MTDH: variants seen among roughly 807,000 people sequenced by gnomAD.
MTDH encodes metadherin.
MTDH carries 34 observed loss-of-function variants against 72.7 expected under a neutral mutation model. The ratio of observed to expected loss-of-function variants is 0.47; its 90% CI spans 0.36 to 0.62. MTDH has a LOEUF of 0.62. Among genes scored for constraint, MTDH ranks in the 20% least tolerant of loss-of-function variants. The probability of loss-of-function intolerance (pLI) is 0.00; values close to 1 mark genes in which losing one functional copy is unlikely to be tolerated. For synonymous variants in MTDH, 266 were observed against 268.9 expected (o/e 0.99, Z 0.10); for missense variants, 677 against 699.4 (o/e 0.97, Z 0.36).
intron 1 of MTDH, among the ~76,000 whole-genome samples, chr8:97,651,277 G>A (rs778118123): frequency 2.0e-5 from 3 of 152,058 alleles, no homozygotes; most frequent in Non-Finnish European, 2.9e-5. Flanking sequence ...TGAACTCACG[G>A]CCAATAGCAC....
chr8:97,708,027 G>A (rs1814435418), intron 8 of MTDH, among the ~76,000 whole-genome samples: 1 of 151,294 alleles, frequency 6.6e-6, no homozygotes, highest in Non-Finnish European at 1.5e-5. Flanking sequence ...GGAGTTCAGT[G>A]ATGCAATCTC....
intron 4 of MTDH, among the ~76,000 whole-genome samples, chr8:97,687,828 T>G (rs910966942): frequency 6.6e-6 from 1 of 152,244 alleles, no homozygotes; most frequent in Non-Finnish European, 1.5e-5. Context: ...AATTAAAATT[T>G]GCCTTTCTGC....
intron 9 of MTDH, among the ~76,000 whole-genome samples, chr8:97,718,822 G>T (rs1343094061): frequency 6.6e-6 from 1 of 151,500 alleles, no homozygotes; most frequent in Admixed American, 6.6e-5. Flanking sequence ...TCAGCCTCCT[G>T]AGTAACTGGG....
chr8:97,660,586 G>A (rs1812136888), intron 1 of MTDH, among the ~76,000 whole-genome samples: 1 of 151,902 alleles, frequency 6.6e-6, no homozygotes, highest in South Asian at 2.1e-4. Context: ...ATTTTTTTCT[G>A]AATTTTATTT....
intron 2 of MTDH, among the ~76,000 whole-genome samples, chr8:97,676,052 A>G (rs748571987): frequency 2.5e-4 from 37 of 150,418 alleles, no homozygotes; most frequent in Non-Finnish European, 4.4e-4. Context: ...TGATCCTCCC[A>G]TCTCAGCCAC....
chr8:97,697,381 GTTT>G (rs755015450), intron 6 of MTDH, among the ~76,000 whole-genome samples: 2 of 80,188 alleles, frequency 2.5e-5, no homozygotes, highest in African/African-American at 1.3e-4. Flanking sequence ...TATTATTTCG[GTTT>G]TTTTTTTTTT....
intron 2 of MTDH, among the ~76,000 whole-genome samples, chr8:97,662,013 T>C (rs144537850): frequency 6.6e-6 from 1 of 152,014 alleles, no homozygotes; most frequent in Non-Finnish European, 1.5e-5. Flanking sequence ...ACATAAATGG[T>C]ACATTCCTGA....
At chr8:97,723,136 C>G (rs550839250) in intron 11 of MTDH, 101 bp downstream of exon 11, 3 of 1,239,178 alleles carry the variant, frequency 2.4e-6, no homozygotes, top group Non-Finnish European at 3.3e-6. Context: ...CAGTGGCTCA[C>G]GCCTGTAATC....
At chr8:97,707,325 T>C (rs1273393613) in intron 8 of MTDH, among the ~76,000 whole-genome samples, 1 of 151,760 alleles carries the variant, frequency 6.6e-6, no homozygotes, top group Non-Finnish European at 1.5e-5. Context: ...AATTTTTGTG[T>C]ATTTAGTAGA....
rs192499630 is a variant in MTDH, at chr8:97,661,764, G to A, written c.483+591G>A. ...TTGAGATCAGCCTGGGCAACATGGCGAAATTTTGTCATTACAAAAAATACC... is the reference window on the plus strand; with the variant it reads ...TTGAGATCAGCCTGGGCAACATGGCAAAATTTTGTCATTACAAAAAATACC... On this transcript the variant is annotated intron_variant, in intron 2 of 11. Transcript: ENST00000336273. Among the ~76,000 whole-genome samples the A allele has an allele frequency of 6.4e-4, 97 of 151,970 alleles. 1 individual carries two copies. The East Asian group carries it at 0.018, about 28-fold the overall frequency.
At chr8:97,687,405 AT>A in intron 3 of MTDH, 23 bp from the exon 4 acceptor site, 11 of 1,565,420 alleles carry the variant, frequency 7.0e-6, no homozygotes, top group South Asian at 2.4e-5. Context: ...ACTGAATAAC[AT>A]TTTTTTTCTG....
chr8:97,645,132 G>T (rs1303067000), intron 1 of MTDH, among the ~76,000 whole-genome samples: 1 of 152,162 alleles, frequency 6.6e-6, no homozygotes. Flanking sequence ...AGGTCTGGGG[G>T]TCCGTTCAGA....
At chr8:97,679,507 G>A (rs142824438) in intron 2 of MTDH, among the ~76,000 whole-genome samples, 126 of 152,166 alleles carry the variant, frequency 8.3e-4, no homozygotes, top group Admixed American at 1.7e-3. Context: ...AATTAGTGTC[G>A]TATTTCAGTA....
intron 6 of MTDH, among the ~76,000 whole-genome samples, chr8:97,697,128 A>AAAAAAAAAAAAAAAAAAAAAAT (rs1563554021): frequency 3.1e-5 from 3 of 98,338 alleles, no homozygotes; most frequent in African/African-American, 1.3e-4. Context: ...ACAAAAAAAA[A>AAAAAAAAAAAAAAAAAAAAAAT]AATATATATA....
intron 2 of MTDH, among the ~76,000 whole-genome samples, chr8:97,661,767 A>C (rs1812178586): frequency 6.6e-6 from 1 of 152,028 alleles, no homozygotes; most frequent in African/African-American, 2.4e-5. Context: ...ACATGGCGAA[A>C]TTTTGTCATT....
At chr8:97,710,895 G>T (rs1814603670) in intron 8 of MTDH, among the ~76,000 whole-genome samples, 1 of 151,930 alleles carries the variant, frequency 6.6e-6, no homozygotes, top group African/African-American at 2.4e-5. Flanking sequence ...AGCTACTTGG[G>T]AGACTGAGGC....
intron 1 of MTDH, among the ~76,000 whole-genome samples, chr8:97,652,310 ACC>A (rs1811804348): frequency 6.6e-6 from 1 of 152,144 alleles, no homozygotes; most frequent in Non-Finnish European, 1.5e-5. Context: ...CTCTTTCACA[ACC>A]CAGCGCCTTT....
At chr8:97,677,006 A>AAAAAAAAAC (rs1812875821) in intron 2 of MTDH, among the ~76,000 whole-genome samples, 1 of 130,184 alleles carries the variant, frequency 7.7e-6, no homozygotes, top group Non-Finnish European at 1.6e-5. Context: ...CTCTATCTCA[A>AAAAAAAAAC]AAAAAAAAAA....
In MTDH at chr8:97,644,420, G is replaced by T; in HGVS notation, c.-87G>T. The T allele has an allele frequency of 1.2e-5, 18 of 1,479,114 alleles. No individual in the cohort carries two copies. The highest frequency in any genetic ancestry group is 1.6e-5 in the Non-Finnish European group (18 of 1,119,516). 91.6% of individuals were successfully genotyped at this position (1,479,114 alleles called of 1,614,324 possible). On this transcript the variant is annotated 5_prime_UTR_variant, in exon 1 of 12. Coordinates refer to ENST00000336273, the MANE Select transcript of MTDH (RefSeq NM_178812.4). Reference sequence around the variant, plus strand: ...GATGCGCTCGGCCTGAGGTTACCCGGCCCGGCCCTTCCTCGCTTCCCTCGA... The same window carrying T: ...GATGCGCTCGGCCTGAGGTTACCCGTCCCGGCCCTTCCTCGCTTCCCTCGA...
Sources: gnomAD v4.1 joint callset for allele counts (sites outside exome capture counted in the v4.1 genomes callset) on GRCh38, gnomAD v4.1.1 for gene constraint, MANE v1.5 for transcripts, NCBI Gene and HGNC (gene_info 2026-07-23, HGNC 2026-07-21) for gene names.